DPP6: variants seen among roughly 807,000 people sequenced by gnomAD.
The protein encoded by DPP6 is A-type potassium channel modulatory protein DPP6.
In DPP6, 69 loss-of-function variants were observed where a neutral mutation model predicts 122.6. That is an observed-to-expected ratio of 0.56 (90% CI 0.46 to 0.69). The LOEUF (loss-of-function observed/expected upper bound fraction) is 0.69. Ranked by LOEUF, DPP6 falls within the 30% of genes least tolerant of loss-of-function variation. The pLI is 0.00. For synonymous variants in DPP6, 418 were observed against 433.1 expected (o/e 0.97, Z 0.43); for missense variants, 928 against 1,116.9 (o/e 0.83, Z 2.41).
At chr7:153,847,215 A>G in the DPP6 span, among the ~76,000 whole-genome samples, 12 of 152,322 alleles carry the variant, frequency 7.9e-5, no homozygotes, top group African/African-American at 2.6e-4. Flanking sequence ...AAGCAAAGGA[A>G]TGAAAGAATG....
intron 2 of DPP6, among the ~76,000 whole-genome samples, chr7:154,462,037 A>G (rs1821344140): frequency 6.6e-6 from 1 of 152,062 alleles, no homozygotes; most frequent in South Asian, 2.1e-4. Flanking sequence ...TGATTTTTGT[A>G]TATGGTGAGA....
Position 154,882,321 on chromosome 7 carries a change from C to T in DPP6, c.2133+1379C>T, listed in dbSNP as rs117226017. 9.0e-4 allele frequency among the ~76,000 whole-genome samples: 137 copies of T among 152,342 alleles called. 1 individual carries two copies. In the East Asian group the frequency reaches 0.022, roughly 25 times the overall value. On this transcript the variant is annotated intron_variant, in intron 21 of 25. Transcript: ENST00000377770. ...CCGCCGAGGACATCTGTCTGAGCTC[C>T]GTGCTGGGGATCTTTCCTTTGCCAT... is the stretch of plus-strand genomic sequence containing the variant.
At chr7:154,709,865 G>A (rs937810741) in intron 7 of DPP6, among the ~76,000 whole-genome samples, 10 of 152,172 alleles carry the variant, frequency 6.6e-5, no homozygotes, top group African/African-American at 1.7e-4. Flanking sequence ...ACCCATGGAA[G>A]GCATACTGTT....
At chr7:154,730,677 C>T (rs1842295150) in intron 8 of DPP6, among the ~76,000 whole-genome samples, 1 of 152,090 alleles carries the variant, frequency 6.6e-6, no homozygotes, top group Admixed American at 6.5e-5. Flanking sequence ...ATTGTCTGAC[C>T]TGAAAATTCA....
intron 1 of DPP6, among the ~76,000 whole-genome samples, chr7:154,182,294 C>G (rs1270008957): frequency 1.3e-5 from 2 of 152,180 alleles, no homozygotes; most frequent in South Asian, 2.1e-4. Flanking sequence ...GCCTAGGTAA[C>G]AGCTCCAAGA....
rs547345071 is a variant in DPP6, at chr7:154,100,943, C to G, written c.243+47880C>G. On this transcript the variant is annotated intron_variant, in intron 1 of 25. Transcript: ENST00000377770. Reference sequence around the variant, plus strand: ...AAGCCTGCCCTTCCTCGTCAAGACCCCAAACGAGGCTCACCTCCCCGTGAC... The same window carrying G: ...AAGCCTGCCCTTCCTCGTCAAGACCGCAAACGAGGCTCACCTCCCCGTGAC... 3.5e-5 allele frequency among the ~76,000 whole-genome samples: 5 copies of G among 143,294 alleles called. 1 individual carries two copies. In the South Asian group the frequency reaches 7.4e-4, roughly 21 times the overall value. The allele number at this position is 143,294 out of a possible 152,430, so 94.0% of individuals were successfully genotyped here. A position where few individuals can be genotyped will look rare whatever the true frequency, so the allele number is the denominator to read the frequency against.
At chr7:153,960,100 AATCACTTAGATATCTGAT>A (rs543205367) in intron 1 of DPP6, among the ~76,000 whole-genome samples, 1 of 152,090 alleles carries the variant, frequency 6.6e-6, no homozygotes, top group African/African-American at 2.4e-5. Flanking sequence ...ATCAAACTCT[AATCACTTAGATATCTGAT>A]ATCACTTAGA....
chr7:154,619,698 T>G (rs1834510266), intron 5 of DPP6, among the ~76,000 whole-genome samples: 1 of 152,228 alleles, frequency 6.6e-6, no homozygotes, highest in African/African-American at 2.4e-5. Context: ...TGTATTTATG[T>G]GCAGAAACAT....
chr7:154,038,228 A>G (rs1053989818), intron 1 of DPP6, among the ~76,000 whole-genome samples: 50 of 145,274 alleles, frequency 3.4e-4, no homozygotes, highest in Middle Eastern at 3.4e-3. Context: ...AACACTGGTT[A>G]TGAACAGCAA....
the DPP6 span, among the ~76,000 whole-genome samples, chr7:153,784,350 T>C: frequency 2.7e-3 from 407 of 152,366 alleles, 1 homozygote; most frequent in African/African-American, 9.3e-3. Context: ...AATCACATGA[T>C]AGTTAAAATG....
At chr7:154,301,446 A>G (rs988975862) in intron 1 of DPP6, among the ~76,000 whole-genome samples, 3 of 152,112 alleles carry the variant, frequency 2.0e-5, no homozygotes, top group African/African-American at 7.2e-5. Flanking sequence ...ATACTTATAG[A>G]TGCTGCTTTC....
At chr7:154,030,613 A>G (rs1799176109) in intron 1 of DPP6, among the ~76,000 whole-genome samples, 1 of 151,972 alleles carries the variant, frequency 6.6e-6, no homozygotes, top group Non-Finnish European at 1.5e-5. Context: ...CTTGCCTTCC[A>G]CGTGACAGAC....
chr7:154,582,096 G>A (rs1338450505), intron 5 of DPP6, among the ~76,000 whole-genome samples: 1 of 152,126 alleles, frequency 6.6e-6, no homozygotes, highest in Admixed American at 6.5e-5. Flanking sequence ...GACATATTCT[G>A]CTACTTCCCA....
chr7:153,838,586 G>A, the DPP6 span, among the ~76,000 whole-genome samples: 2 of 152,210 alleles, frequency 1.3e-5, no homozygotes, highest in Admixed American at 6.5e-5. Context: ...GGATGTCTGT[G>A]AGAATCATTG....
At chr7:153,882,638 G>C (rs181556553), upstream of DPP6, among the ~76,000 whole-genome samples, 1 of 152,204 alleles carries the variant, frequency 6.6e-6, no homozygotes, top group African/African-American at 2.4e-5. Context: ...CAAAAGGATC[G>C]ACACCACCAA....
chr7:154,347,059 C>T (rs370714834), intron 1 of DPP6, among the ~76,000 whole-genome samples: 22 of 152,288 alleles, frequency 1.4e-4, no homozygotes, highest in African/African-American at 5.3e-4. Flanking sequence ...CACACACACA[C>T]GTGCACAAAT....
At chr7:153,785,978 A>C in the DPP6 span, among the ~76,000 whole-genome samples, 1 of 152,038 alleles carries the variant, frequency 6.6e-6, no homozygotes, top group South Asian at 2.1e-4. Context: ...ATAGGAGCCA[A>C]GTGTTTAAAT....
chr7:153,998,136 A>G (rs1454611675), intron 1 of DPP6, among the ~76,000 whole-genome samples: 2 of 151,938 alleles, frequency 1.3e-5, no homozygotes, highest in Admixed American at 6.5e-5. Context: ...AAGACCAAAA[A>G]GAGGTTACAG....
the DPP6 span, among the ~76,000 whole-genome samples, chr7:153,750,218 C>G: frequency 1.3e-5 from 2 of 152,180 alleles, no homozygotes; most frequent in Non-Finnish European, 2.9e-5. Context: ...TAATATCGAG[C>G]ATTTTCTTCT....
Sources: allele counts gnomAD v4.1 joint callset (sites outside exome capture counted in the v4.1 genomes callset), GRCh38; gene constraint gnomAD v4.1.1; transcripts MANE v1.5; gene names NCBI Gene and HGNC (gene_info 2026-07-23, HGNC 2026-07-21).